Variants in PIGN observed in about 807,000 individuals in gnomAD.
PIGN encodes the protein phosphatidylinositol glycan anchor biosynthesis class N, also known as GPI ethanolamine phosphate transferase 1.
A neutral mutation model predicts 125.4 loss-of-function variants in PIGN; 117 were observed. The ratio of observed to expected loss-of-function variants is 0.93; its 90% CI spans 0.80 to 1.09. PIGN has a LOEUF of 1.09. PIGN is among the 50% of genes least tolerant of loss of function. PIGN has a pLI of 0.00. For synonymous variants in PIGN, 392 were observed against 377.8 expected (o/e 1.04, Z -0.44); for missense variants, 1,075 against 1,094.9 (o/e 0.98, Z 0.26).
chr18:62,082,437 A>G (rs535619506), intron 28 of PIGN, among the ~76,000 whole-genome samples: 2 of 152,210 alleles, frequency 1.3e-5, no homozygotes, highest in Admixed American at 6.5e-5. Flanking sequence ...AGCTTGAATA[A>G]TACTCTAATA....
intron 30 of PIGN, among the ~76,000 whole-genome samples, chr18:62,071,650 T>C (rs921673547): frequency 3.3e-5 from 5 of 151,932 alleles, no homozygotes; most frequent in African/African-American, 1.2e-4. Context: ...GACCTAGTGA[T>C]AGCGCAGTGT....
At chr18:62,167,643 A>C (rs2037195433) in intron 1 of PIGN, among the ~76,000 whole-genome samples, 2 of 82,138 alleles carry the variant, frequency 2.4e-5, no homozygotes, top group Admixed American at 1.4e-4. Flanking sequence ...AAAAAAAAAA[A>C]CAAAAAAAAA....
chr18:62,072,563 G>A, intron 30 of PIGN, 110 bp downstream of exon 30: 1 of 833,710 alleles, frequency 1.2e-6, no homozygotes, highest in South Asian at 1.6e-5. Flanking sequence ...CACCATCTAG[G>A]TTTGTGTGAA....
At chr18:62,062,280 A>G (rs1461538573) in intron 30 of PIGN, among the ~76,000 whole-genome samples, 1 of 152,168 alleles carries the variant, frequency 6.6e-6, no homozygotes, top group Admixed American at 6.5e-5. Flanking sequence ...GAGCAAGGAG[A>G]TATTTCATCA....
At chr18:62,067,116 C>T (rs2145583461) in intron 30 of PIGN, among the ~76,000 whole-genome samples, 1 of 152,282 alleles carries the variant, frequency 6.6e-6, no homozygotes, top group South Asian at 2.1e-4. Flanking sequence ...TTCATTCCTT[C>T]TTATTCACTT....
chr18:62,096,940 A>G, intron 22 of PIGN, among the ~76,000 whole-genome samples: 1 of 150,430 alleles, frequency 6.6e-6, no homozygotes, highest in South Asian at 2.1e-4. Context: ...ATTGTTGGAC[A>G]TTTGGGTTGG....
chr18:62,176,249 T>C (rs1239630550), intron 1 of PIGN, among the ~76,000 whole-genome samples: 2 of 152,074 alleles, frequency 1.3e-5, no homozygotes, highest in Non-Finnish European at 1.5e-5. Flanking sequence ...GAGTTTAGAA[T>C]CCCATATCTC....
chr18:62,142,276 G>T (rs1448569406), intron 11 of PIGN, among the ~76,000 whole-genome samples: 2 of 152,148 alleles, frequency 1.3e-5, no homozygotes, highest in African/African-American at 4.8e-5. Flanking sequence ...AATAGACAAA[G>T]AGATTCTCAT....
chr18:62,078,780 A>C (rs1178404252), intron 28 of PIGN, among the ~76,000 whole-genome samples: 1 of 152,216 alleles, frequency 6.6e-6, no homozygotes, highest in African/African-American at 2.4e-5. Flanking sequence ...CTTTTTATTC[A>C]AGAGATAAAT....
intron 30 of PIGN, chr18:62,052,021 T>A (rs2031342615): frequency 6.6e-6 from 1 of 152,192 alleles, no homozygotes; most frequent in South Asian, 2.1e-4. Context: ...TTTGAGTGAG[T>A]TTCTTAATCC....
At chr18:62,077,035 A>G (rs1488462107) in intron 28 of PIGN, among the ~76,000 whole-genome samples, 1 of 152,146 alleles carries the variant, frequency 6.6e-6, no homozygotes, top group Non-Finnish European at 1.5e-5. Context: ...CAAATATTCT[A>G]CCCTATGGAC....
At chr18:62,031,740 C>A (rs2030195056) in intron 23 of PIGN, among the ~76,000 whole-genome samples, 1 of 152,102 alleles carries the variant, frequency 6.6e-6, no homozygotes, top group Non-Finnish European at 1.5e-5. Context: ...CTGTAGCTAA[C>A]CTCTTATGGT....
intron 14 of PIGN, among the ~76,000 whole-genome samples, chr18:62,121,441 A>G (rs1314820252): frequency 6.6e-6 from 1 of 152,202 alleles, no homozygotes; most frequent in African/African-American, 2.4e-5. Context: ...TTATTCAATA[A>G]ATATTGAATA....
At chr18:62,138,380 C>T in intron 13 of PIGN, 82 bp from the exon 14 acceptor site, 2 of 1,463,198 alleles carry the variant, frequency 1.4e-6, no homozygotes, top group South Asian at 1.4e-5. Flanking sequence ...TAAAATGATT[C>T]TTTAGGGATG....
In PIGN at chr18:62,020,507, G is replaced by T. The variant is rs957694263; in HGVS notation, c.2143-2766C>A. 2.7e-5 allele frequency among the ~76,000 whole-genome samples: 4 copies of T among 148,384 alleles called. No individual in the cohort carries two copies. The South Asian group carries it at 6.4e-4, about 24-fold the overall frequency. ...ATTAGCAGATAAAGACTTTAAAACA[G>T]TTTTTTTTTTTTAATGGACTAAAGA... On this transcript the variant is annotated intron_variant, in intron 23 of 24. Transcript: ENST00000639600.
chr18:62,072,608 C>T, intron 30 of PIGN, 65 bp downstream of exon 30: 1 of 1,271,516 alleles, frequency 7.9e-7, no homozygotes. Flanking sequence ...GAAGAAATTG[C>T]CTAACAATAT....
At position 62,082,705 on chromosome 18, in the gene PIGN, T is replaced by C; in HGVS notation, c.2544A>G (p.Ala848=). 6.4e-7 allele frequency: 1 copy of C among 1,554,696 alleles called. No homozygotes were observed. Among genetic ancestry groups the C allele is most frequent in the Non-Finnish European group, 8.7e-7 (1 of 1,144,808 alleles). Residue 848 remains alanine, a synonymous_variant, in exon 28 of 31, where the codon GCA becomes GCG. Transcript: ENST00000640252. The part of the protein sequence containing the change: ...PFVLVMCAFE[A]VQLTTQLSSK... ...ACGATAACTGAGTAGTCAACTGAAC[T>C]GCTTCAAAAGCACACATAACAAGAA...
chr18:62,077,109 G>C (rs1429047966), intron 28 of PIGN, among the ~76,000 whole-genome samples: 1 of 152,174 alleles, frequency 6.6e-6, no homozygotes, highest in Non-Finnish European at 1.5e-5. Context: ...TGAGTGCGGT[G>C]GCTCACACCT....
chr18:62,104,662 T>C (rs747377691), intron 20 of PIGN, among the ~76,000 whole-genome samples: 5 of 152,174 alleles, frequency 3.3e-5, no homozygotes, highest in Non-Finnish European at 7.4e-5. Context: ...AGAAAATGTA[T>C]AGAATCTCAT....
Sources: gnomAD v4.1 joint callset for allele counts (sites outside exome capture counted in the v4.1 genomes callset) on GRCh38, gnomAD v4.1.1 for gene constraint, MANE v1.5 for transcripts, NCBI Gene and HGNC (gene_info 2026-07-23, HGNC 2026-07-21) for gene names.